The following ARHGEF40 variants were observed in gnomAD, a reference collection of about 807,000 sequenced individuals.
ARHGEF40 encodes the protein Rho guanine nucleotide exchange factor (GEF) 40.
ARHGEF40 carries 98 observed loss-of-function variants against 165.9 expected under a neutral mutation model. The ratio of observed to expected loss-of-function variants is 0.59; its 90% confidence interval spans 0.50 to 0.70. The LOEUF (loss-of-function observed/expected upper bound fraction) is 0.70. Among genes scored for constraint, ARHGEF40 ranks in the 30% least tolerant of loss-of-function variants. The pLI, the probability that ARHGEF40 is intolerant of heterozygous loss-of-function variation, is 0.00. For synonymous variants in ARHGEF40, 792 were observed against 814.3 expected (o/e 0.97, Z 0.47); for missense variants, 1,815 against 1,968.0 (o/e 0.92, Z 1.47).
Position 21,090,166 on chromosome 14 carries a change from C to T in ARHGEF40, c.*1158C>T. ...CCAAAAATAGCGACGTCTACAGGGC[C>T]CCTGATGGGGCTAGAAGGGTACAGT... On this transcript the variant is annotated 3_prime_UTR_variant, in exon 24 of 24. Transcript: ENST00000298694. This position sits in a 1 kb window ranked among gnomAD's most constrained non-coding sequence, Gnocchi z 4.4. 2 of 510,258 alleles carry T rather than the reference C, an allele frequency of 3.9e-6. No individual in the cohort carries two copies. The highest frequency in any genetic ancestry group is 7.6e-6 in the Non-Finnish European group (2 of 263,064). 31.6% of individuals were successfully genotyped at this position (510,258 alleles called of 1,614,324 possible).
At position 21,087,295 on chromosome 14, in the gene ARHGEF40, A is replaced by C. The variant is rs751780441; in HGVS notation, c.4244-25A>C. On this transcript the variant is annotated intron_variant, in intron 20 of 23. Coordinates refer to ENST00000298694, the MANE Select transcript of ARHGEF40 (RefSeq NM_018071.5). The stretch of plus-strand genomic sequence containing the variant: ...GAGGGCTTTCCCACACCAGCACCCC[A>C]CCCCCCACTCCCCACTCTCTGCAGC... 44 of 1,580,926 alleles carry C rather than the reference A, an allele frequency of 2.8e-5. No homozygotes were observed. In the African/African-American group the frequency reaches 4.6e-4, roughly 16 times the overall value.
chr14:21,081,453 G>A, intron 13 of ARHGEF40, 56 bp from the exon 14 acceptor site: 1 of 1,583,180 alleles, frequency 6.3e-7, no homozygotes, highest in Middle Eastern at 1.7e-4. Context: ...CATCCTTCGT[G>A]AGCAACACAG....
At position 21,088,844 on chromosome 14, in the gene ARHGEF40, CCT is replaced by C; in HGVS notation, c.4534_4535del (p.Leu1512GlufsTer2). On this transcript the variant is annotated frameshift_variant, in exon 23 of 24. Transcript: ENST00000298694. LOFTEE classifies it high-confidence loss of function. ...GLSRQSHARA[L>X]SDPTTPL The stretch of plus-strand genomic sequence containing the variant: ...TCTCCCCCCAGAGTCATGCTCGAGC[CCT>C]GAGTGACCCCACCACGCCTCTGTGA... The C allele has an allele frequency of 6.2e-7, 1 of 1,613,272 alleles. No individual in the cohort carries two copies. Among genetic ancestry groups the C allele is most frequent in the Non-Finnish European group, 8.5e-7 (1 of 1,179,438 alleles).
intron 16 of ARHGEF40, 77 bp from the exon 17 acceptor site, chr14:21,083,758 A>G: frequency 9.4e-6 from 13 of 1,384,620 alleles, no homozygotes; most frequent in South Asian, 7.8e-5. Context: ...GGTATCACCC[A>G]CCTACCCCCC....
At chr14:21,079,112 T>C in intron 11 of ARHGEF40, 102 bp downstream of exon 11, 1 of 1,451,070 alleles carries the variant, frequency 6.9e-7, no homozygotes, top group Admixed American at 2.1e-5. Flanking sequence ...CTAGCCTGGC[T>C]TGGTTGAACG....
chr14:21,071,299 G>C (rs1886823076), intron 1 of ARHGEF40, among the ~76,000 whole-genome samples: 3 of 152,132 alleles, frequency 2.0e-5, no homozygotes, highest in Admixed American at 2.0e-4. Flanking sequence ...GCGAGAGTGG[G>C]CACTGCCAGA....
chr14:21,074,718 G>A lies in ARHGEF40; in HGVS notation c.988G>A (p.Val330Ile). The change falls in exon 3 of 24, where the codon GTC (valine) becomes ATC (isoleucine). Residue 330 changes from valine to isoleucine, a missense_variant. Val to Ile is a conservative substitution (Grantham distance 29, BLOSUM62 3). Transcript: ENST00000298694. This position sits in a 1 kb window ranked among gnomAD's most constrained non-coding sequence, Gnocchi z 4.8. ...PGAEAVPEAAVLEVSEPPAEA... is the reference protein window; with the variant it reads ...PGAEAVPEAAILEVSEPPAEA... ...AGCTGAGGCTGTCCCAGAGGCAGCA[G>A]TCTTGGAGGTGTCTGAGCCCCCAGC... The A allele has an allele frequency of 1.2e-6, 2 of 1,600,546 alleles. No homozygotes were observed. The highest frequency in any genetic ancestry group is 1.8e-4 in the Middle Eastern group (1 of 5,452).
chr14:21,083,745 T>C (rs1888116837), intron 16 of ARHGEF40, 90 bp from the exon 17 acceptor site: 1 of 1,222,988 alleles, frequency 8.2e-7, no homozygotes, highest in Non-Finnish European at 1.1e-6. Flanking sequence ...CCCAAAAGCC[T>C]AGGGTATCAC....
At position 21,088,041 on chromosome 14, in the gene ARHGEF40, C is replaced by T. The variant is rs749907421; in HGVS notation, c.4461C>T (p.His1487=). ...PRNSPSLQPP[H]PGSSTPTLAS... The stretch of plus-strand genomic sequence containing the variant: ...ACAGCCCCAGCCTGCAACCCCCCCA[C>T]CCTGGGAGCAGCACTCCCACCCTGG... Residue 1487 remains histidine, a synonymous_variant, in exon 22 of 24, where the codon CAC becomes CAT. Transcript: ENST00000298694. The T allele has an allele frequency of 8.1e-6, 13 of 1,614,052 alleles. No individual in the cohort carries two copies. The South Asian group carries it at 1.1e-4, about 14-fold the overall frequency.
At chr14:21,069,774 A>G (rs1369888526), upstream of ARHGEF40, among the ~76,000 whole-genome samples, 1 of 152,182 alleles carries the variant, frequency 6.6e-6, no homozygotes, top group East Asian at 1.9e-4. Flanking sequence ...TCTGCTAGGC[A>G]GGCAGGGGCC....
chr14:21,081,153 A>G, intron 13 of ARHGEF40, 137 bp downstream of exon 13: 3 of 1,374,008 alleles, frequency 2.2e-6, no homozygotes, highest in Non-Finnish European at 2.0e-6. Flanking sequence ...TAGCTCTGCC[A>G]CCTCCTTGCT....
At chr14:21,063,637 A>G in the ARHGEF40 span, among the ~76,000 whole-genome samples, 3 of 152,204 alleles carry the variant, frequency 2.0e-5, no homozygotes, top group African/African-American at 4.8e-5. Context: ...TGGAATTCCT[A>G]GATTGTCTGC....
chr14:21,065,697 G>C (rs1348632442), upstream of ARHGEF40, among the ~76,000 whole-genome samples: 1 of 152,216 alleles, frequency 6.6e-6, no homozygotes, highest in Non-Finnish European at 1.5e-5. Flanking sequence ...AAGGATGACA[G>C]CCAGTCACTA....
At position 21,073,346 on chromosome 14, in the gene ARHGEF40, T is replaced by A. The variant is rs1028265021; in HGVS notation, c.201+104T>A. 1 of 1,280,732 alleles carries A rather than the reference T, an allele frequency of 7.8e-7. No individual in the cohort carries two copies. The highest frequency in any genetic ancestry group is 1.1e-6 in the Non-Finnish European group (1 of 930,432). 79.3% of individuals were successfully genotyped at this position (1,280,732 alleles called of 1,614,324 possible). ...CCCCCACTAACCTAGAGATACAGCC[T>A]CCCTTGAAACCGATCTCTCCAGAAT... On this transcript the variant is annotated intron_variant, in intron 2 of 23. Transcript: ENST00000298694. This position sits in a 1 kb window ranked among gnomAD's most constrained non-coding sequence, Gnocchi z 4.6.
At chr14:21,086,111 C>A in intron 19 of ARHGEF40, 2 of 462,616 alleles carry the variant, frequency 4.3e-6, no homozygotes, top group East Asian at 4.1e-5. Flanking sequence ...TGCAGTGGCT[C>A]ATGCCTGTAA....
In ARHGEF40 at chr14:21,070,535, C is replaced by A; in HGVS notation, c.3+136C>A. The A allele has an allele frequency of 9.2e-7, 1 of 1,088,620 alleles. No individual in the cohort carries two copies. Among genetic ancestry groups the A allele is most frequent in the Non-Finnish European group, 1.2e-6 (1 of 800,280 alleles). 67.4% of individuals were successfully genotyped at this position (1,088,620 alleles called of 1,614,324 possible). On this transcript the variant is annotated intron_variant, in intron 1 of 23. Coordinates refer to ENST00000298694, the MANE Select transcript of ARHGEF40 (RefSeq NM_018071.5). The surrounding 1 kb of genome is among the most constrained non-coding windows in gnomAD (Gnocchi z 4.7). ...CCTCTGGGACTCTCCTCCCTCCCATCCCCCCTTCTTCGATTTGTCTGTCTG... is the reference window on the plus strand; with the variant it reads ...CCTCTGGGACTCTCCTCCCTCCCATACCCCCTTCTTCGATTTGTCTGTCTG...
intron 18 of ARHGEF40, 96 bp from the exon 19 acceptor site, chr14:21,085,593 T>C (rs1888268000): frequency 1.4e-6 from 2 of 1,403,168 alleles, no homozygotes; most frequent in African/African-American, 1.4e-5. Flanking sequence ...TTACTGAACA[T>C]CTATCAGATG....
At position 21,074,159 on chromosome 14, in the gene ARHGEF40, C is replaced by T. The variant is rs1222871792; in HGVS notation, c.429C>T (p.Tyr143=). Residue 143 remains tyrosine (Y), a synonymous_variant, in exon 3 of 24, where the codon TAC becomes TAT. Coordinates refer to ENST00000298694, the MANE Select transcript of ARHGEF40 (RefSeq NM_018071.5). The surrounding 1 kb of genome is among the most constrained non-coding windows in gnomAD (Gnocchi z 4.8). ...EVPVPNEACA[Y]LFTPEWLQGI... is the part of the protein sequence containing the mutation. The stretch of plus-strand genomic sequence containing the variant: ...CTGTGCCCAATGAGGCTTGTGCCTA[C>T]CTATTCACACCTGAGTGGCTACAAG... The T allele has an allele frequency of 4.3e-6, 7 of 1,614,126 alleles. No homozygotes were observed. The highest frequency in any genetic ancestry group is 3.3e-4 in the Middle Eastern group (2 of 6,062).
the ARHGEF40 span, among the ~76,000 whole-genome samples, chr14:21,061,912 G>A: frequency 2.6e-5 from 4 of 152,176 alleles, no homozygotes; most frequent in Non-Finnish European, 5.9e-5. Context: ...ATTCAGGAAT[G>A]TTTTGCTGGT....
Sources: gnomAD v4.1 joint callset for allele counts (sites outside exome capture counted in the v4.1 genomes callset) on GRCh38, gnomAD v4.1.1 for gene constraint, Gnocchi (gnomAD v3.1) non-coding constraint, MANE v1.5 for transcripts, NCBI Gene and HGNC (gene_info 2026-07-23, HGNC 2026-07-21) for gene names.